FBXL18: variants seen among roughly 807,000 people sequenced by gnomAD.
FBXL18 encodes the protein F-box and leucine rich repeat protein 18, also known as F-box/LRR-repeat protein 18.
Under a neutral mutation model 46.0 loss-of-function variants are expected in FBXL18, and 36 were observed. That is an observed-to-expected ratio of 0.78 (90% CI 0.60 to 1.03). FBXL18 has a LOEUF of 1.03. Ranked by LOEUF, FBXL18 falls within the 50% of genes least tolerant of loss-of-function variation. The probability of loss-of-function intolerance (pLI) is 0.00; values close to 1 mark genes in which losing one functional copy is unlikely to be tolerated. For synonymous variants in FBXL18, 557 were observed against 465.3 expected, an observed-to-expected ratio of 1.20 and a Z score of -2.54; for missense variants, 977 against 1,004.1, an observed-to-expected ratio of 0.97 and a Z score of 0.36.
intron 4 of FBXL18, among the ~76,000 whole-genome samples, chr7:5,463,389 G>A (rs1360583696): frequency 6.6e-6 from 1 of 152,008 alleles, no homozygotes; most frequent in Non-Finnish European, 1.5e-5. Flanking sequence ...GGAGGTCAAG[G>A]CAGGAGGATC....
rs1784081044 is a variant in FBXL18 at position 5,496,346 on chromosome 7, C to CTCTG, written c.1781+4141_1781+4142insCAGA. Among the ~76,000 whole-genome samples the CTCTG allele has an allele frequency of 6.6e-6, 1 of 152,192 alleles. No individual in the cohort carries two copies. The highest frequency in any genetic ancestry group is 2.1e-4 in the South Asian group (1 of 4,830). On this transcript the variant is annotated intron_variant, in intron 3 of 4. Transcript: ENST00000382368. The surrounding 1 kb of genome is among the most constrained non-coding windows in gnomAD (Gnocchi z 4.8). ...CTCTGCCTCTTGCTTCCGGAACACCCCCTCCCTCCGGCCAGTGCCTCCCTT... is the reference window on the plus strand; with the variant it reads ...CTCTGCCTCTTGCTTCCGGAACACCCTCTGCCTCCCTCCGGCCAGTGCCTCCCTT...
intron 2 of FBXL18, among the ~76,000 whole-genome samples, chr7:5,504,018 C>T (rs547321805): frequency 6.6e-6 from 1 of 150,908 alleles, no homozygotes; most frequent in African/African-American, 2.4e-5. Flanking sequence ...TGGCTAGAGG[C>T]GCCGAGCCCT....
At chr7:5,499,058 G>A (rs920604909) in intron 3 of FBXL18, among the ~76,000 whole-genome samples, 1 of 150,804 alleles carries the variant, frequency 6.6e-6, no homozygotes, top group African/African-American at 2.5e-5. Flanking sequence ...GACACTGTCT[G>A]GTGTGGAGCT....
chr7:5,486,066 T>A (rs201833979), intron 4 of FBXL18, among the ~76,000 whole-genome samples: 69 of 16,020 alleles, frequency 4.3e-3, no homozygotes, highest in South Asian at 0.036. Flanking sequence ...CTCAAAAAAA[T>A]AAATAAATAA....
chr7:5,489,855 C>A (rs1274770131), intron 4 of FBXL18: 3 of 475,774 alleles, frequency 6.3e-6, no homozygotes, highest in Non-Finnish European at 1.1e-5. Context: ...GCTCAGGAGG[C>A]TGAGGTTGCA....
At chr7:5,463,734 T>TTATTTA (rs1562672321) in intron 4 of FBXL18, among the ~76,000 whole-genome samples, 1 of 58,434 alleles carries the variant, frequency 1.7e-5, no homozygotes, top group African/African-American at 8.0e-5. Flanking sequence ...ATTTATTTTT[T>TTATTTA]TTTTTTTTTT....
intron 1 of FBXL18, among the ~76,000 whole-genome samples, chr7:5,511,694 A>T (rs1194229003): frequency 6.7e-6 from 1 of 148,534 alleles, no homozygotes; most frequent in African/African-American, 2.5e-5. Flanking sequence ...TGTGAACCTG[A>T]GAGGTGGAGC....
intron 4 of FBXL18, among the ~76,000 whole-genome samples, chr7:5,461,064 C>A (rs778871090): frequency 5.6e-4 from 86 of 152,346 alleles, no homozygotes; most frequent in Non-Finnish European, 5.9e-4. Flanking sequence ...CCCCGCCAGC[C>A]TTTCTCCTGG....
chr7:5,486,933 C>T (rs1783791675), intron 4 of FBXL18, among the ~76,000 whole-genome samples: 1 of 152,208 alleles, frequency 6.6e-6, no homozygotes, highest in South Asian at 2.1e-4. Context: ...ATCCTCCAGG[C>T]AGGAAAAAAG....
intron 1 of FBXL18, among the ~76,000 whole-genome samples, chr7:5,508,974 C>A (rs1304869509): frequency 6.6e-6 from 1 of 152,076 alleles, no homozygotes; most frequent in Non-Finnish European, 1.5e-5. Context: ...GGGTGGATCA[C>A]CTGAGGTCAG....
intron 4 of FBXL18, chr7:5,489,899 C>T: frequency 1.0e-6 from 1 of 980,440 alleles, no homozygotes; most frequent in Non-Finnish European, 1.4e-6. Context: ...GAGCTGAGAT[C>T]CCGCCACTGC....
At position 5,496,198 on chromosome 7, in the gene FBXL18, T is replaced by C. The variant is rs1454709898; in HGVS notation, c.1781+4290A>G. Among the ~76,000 whole-genome samples the C allele has an allele frequency of 6.6e-6, 1 of 152,140 alleles. No individual in the cohort carries two copies. Among genetic ancestry groups the C allele is most frequent in the Non-Finnish European group, 1.5e-5 (1 of 68,034 alleles). On this transcript the variant is annotated intron_variant, in intron 3 of 4. Transcript: ENST00000382368. The surrounding 1 kb of genome is among the most constrained non-coding windows in gnomAD (Gnocchi z 4.8). The stretch of plus-strand genomic sequence containing the variant: ...TCTTCATCCATTAAGTGGGTACAAC[T>C]GTGTCGACACTCAGAGGTTGTTGAG...
At chr7:5,485,030 C>A (rs58894672) in intron 4 of FBXL18, among the ~76,000 whole-genome samples, 105 of 152,266 alleles carry the variant, frequency 6.9e-4, no homozygotes, top group African/African-American at 1.9e-3. Flanking sequence ...AATCCTCCCC[C>A]CTTGGCCTCC....
downstream of FBXL18, among the ~76,000 whole-genome samples, chr7:5,473,748 G>A (rs1426885079): frequency 1.5e-4 from 23 of 149,458 alleles, no homozygotes; most frequent in Admixed American, 1.5e-3. Flanking sequence ...GCGACAGAAT[G>A]GGACTCCATC....
At chr7:5,475,039 C>CCAGGCCTGGTGGCT (rs1211637203), downstream of FBXL18, among the ~76,000 whole-genome samples, 2 of 148,094 alleles carry the variant, frequency 1.4e-5, no homozygotes, top group Middle Eastern at 6.4e-3. The surrounding 1 kb of genome is among the most constrained non-coding windows in gnomAD (Gnocchi z 4.2). Context: ...TTAAGATGGT[C>CCAGGCCTGGTGGCT]CAGGCCTGGT....
chr7:5,463,651 G>A (rs1006489085), intron 4 of FBXL18, among the ~76,000 whole-genome samples: 9 of 147,762 alleles, frequency 6.1e-5, no homozygotes, highest in Non-Finnish European at 1.2e-4. Flanking sequence ...GGAATGGATG[G>A]TGGTGATGAT....
rs1018190829 is a variant in FBXL18 at position 5,477,298 on chromosome 7, C to T, written c.*4477G>A. On this transcript the variant is annotated 3_prime_UTR_variant, in exon 5 of 5. Coordinates refer to ENST00000382368, the MANE Select transcript of FBXL18 (RefSeq NM_024963.6). This position sits in a 1 kb window ranked among gnomAD's most constrained non-coding sequence, Gnocchi z 4.4. ...CAAGGCTACCAGGAACTGGCAGCAG[C>T]GCTCTGCCCACGTCCACAGGAAGTG... is the stretch of plus-strand genomic sequence containing the variant. 2.0e-5 allele frequency among the ~76,000 whole-genome samples: 3 copies of T among 152,128 alleles called. No individual in the cohort carries two copies. Among genetic ancestry groups the T allele is most frequent in the Non-Finnish European group, 2.9e-5 (2 of 68,030 alleles).
intron 1 of FBXL18, among the ~76,000 whole-genome samples, chr7:5,505,983 G>C (rs1229199982): frequency 1.3e-5 from 2 of 152,080 alleles, no homozygotes; most frequent in Non-Finnish European, 2.9e-5. Context: ...TCCTGCCTCA[G>C]CCTCCCAAGC....
intron 1 of FBXL18, among the ~76,000 whole-genome samples, chr7:5,506,514 C>T (rs1308349251): frequency 1.3e-5 from 2 of 150,426 alleles, no homozygotes; most frequent in African/African-American, 4.9e-5. Flanking sequence ...CTCAGTCTCC[C>T]AAAGTGTTGG....
Sources: allele counts gnomAD v4.1 joint callset (sites outside exome capture counted in the v4.1 genomes callset), GRCh38; gene constraint gnomAD v4.1.1; non-coding constraint Gnocchi (gnomAD v3.1); transcripts MANE v1.5; gene names NCBI Gene and HGNC (gene_info 2026-07-23, HGNC 2026-07-21).